The following HMGCLL1 variants were observed in gnomAD, a reference collection of about 807,000 sequenced individuals.
The protein encoded by HMGCLL1 is 3-hydroxy-3-methylglutaryl-CoA lyase like 1.
HMGCLL1 carries 36 observed loss-of-function variants against 39.1 expected under a neutral mutation model. The observed-to-expected ratio is 0.92, with a 90% confidence interval of 0.71 to 1.22. The LOEUF is 1.22. HMGCLL1 is among the 50% of genes most tolerant of loss of function. The pLI is 0.00. For synonymous variants in HMGCLL1, 149 were observed against 144.0 expected (o/e 1.03, Z -0.25); for missense variants, 451 against 416.5 (o/e 1.08, Z -0.72).
At chr6:55,474,440 T>C (rs1281230242) in intron 7 of HMGCLL1, among the ~76,000 whole-genome samples, 3 of 151,618 alleles carry the variant, frequency 2.0e-5, no homozygotes, top group Admixed American at 1.3e-4. Flanking sequence ...TCTTCATTTC[T>C]ATTAGTTTTT....
intron 7 of HMGCLL1, among the ~76,000 whole-genome samples, chr6:55,470,320 A>G (rs1242349374): frequency 1.3e-5 from 2 of 151,752 alleles, no homozygotes; most frequent in African/African-American, 4.8e-5. Context: ...TACCAGCCAC[A>G]TTTTTTGTTG....
chr6:55,577,311 A>C (rs527640030), intron 1 of HMGCLL1: 8 of 1,202,532 alleles, frequency 6.7e-6, no homozygotes, highest in African/African-American at 6.1e-5. Context: ...ACACAAAAAG[A>C]AGCATAACTC....
intron 3 of HMGCLL1, among the ~76,000 whole-genome samples, chr6:55,521,798 CAAGTGA>C (rs1768054751): frequency 6.6e-6 from 1 of 151,870 alleles, no homozygotes; most frequent in Non-Finnish European, 1.5e-5. Context: ...CTGTAATGTT[CAAGTGA>C]AAGGAAGACT....
the HMGCLL1 span, among the ~76,000 whole-genome samples, chr6:55,661,008 T>A: frequency 2.6e-5 from 4 of 152,018 alleles, no homozygotes; most frequent in South Asian, 2.1e-4. Flanking sequence ...ACCACATGTA[T>A]GTCTTCTTTT....
the HMGCLL1 span, among the ~76,000 whole-genome samples, chr6:55,587,010 C>G: frequency 2.6e-5 from 4 of 152,076 alleles, no homozygotes; most frequent in African/African-American, 9.7e-5. Context: ...ACAGTCCCAC[C>G]AACAGTGTAA....
At chr6:55,613,079 A>G in the HMGCLL1 span, among the ~76,000 whole-genome samples, 1 of 152,208 alleles carries the variant, frequency 6.6e-6, no homozygotes, top group South Asian at 2.1e-4. Flanking sequence ...TCCAGAATTT[A>G]CAAGAAACAT....
intron 3 of HMGCLL1, among the ~76,000 whole-genome samples, chr6:55,525,730 A>G (rs1413933513): frequency 1.3e-5 from 2 of 151,940 alleles, no homozygotes; most frequent in South Asian, 4.1e-4. Flanking sequence ...CCAATGAACC[A>G]AAAATCTCTG....
At chr6:55,559,940 A>G (rs2127469922) in intron 1 of HMGCLL1, among the ~76,000 whole-genome samples, 1 of 152,266 alleles carries the variant, frequency 6.6e-6, no homozygotes, top group Non-Finnish European at 1.5e-5. Flanking sequence ...ATAAACATGA[A>G]CCTTTAAGGA....
the HMGCLL1 span, among the ~76,000 whole-genome samples, chr6:55,638,894 A>G: frequency 6.6e-6 from 1 of 152,202 alleles, no homozygotes; most frequent in Non-Finnish European, 1.5e-5. Flanking sequence ...CACTAAATTT[A>G]TACCATATGG....
the HMGCLL1 span, among the ~76,000 whole-genome samples, chr6:55,599,152 C>A: frequency 5.3e-5 from 8 of 151,982 alleles, no homozygotes; most frequent in Non-Finnish European, 1.0e-4. Context: ...TTAGGAGAAA[C>A]ACCTAGTGTA....
At chr6:55,554,708 C>T (rs763897440) in intron 1 of HMGCLL1, among the ~76,000 whole-genome samples, 1 of 151,928 alleles carries the variant, frequency 6.6e-6, no homozygotes, top group Non-Finnish European at 1.5e-5. Flanking sequence ...TACACAGGAC[C>T]CCTTTAGGCA....
At chr6:55,548,814 T>G (rs1770144128) in intron 1 of HMGCLL1, among the ~76,000 whole-genome samples, 1 of 149,916 alleles carries the variant, frequency 6.7e-6, no homozygotes, top group Non-Finnish European at 1.5e-5. Flanking sequence ...TGAAGAATAT[T>G]AAGTTTATAA....
chr6:55,457,245 T>C (rs1764364187), intron 7 of HMGCLL1, among the ~76,000 whole-genome samples: 2 of 152,218 alleles, frequency 1.3e-5, no homozygotes, highest in Non-Finnish European at 2.9e-5. Flanking sequence ...ATTCACTGTC[T>C]ATCCTCTTCT....
chr6:55,661,493 G>A, the HMGCLL1 span, among the ~76,000 whole-genome samples: 1 of 151,888 alleles, frequency 6.6e-6, no homozygotes, highest in Non-Finnish European at 1.5e-5. Flanking sequence ...GCTTGTTTCT[G>A]TCAGCTTTGT....
chr6:55,504,156 A>G (rs1433884128), intron 5 of HMGCLL1, among the ~76,000 whole-genome samples: 1 of 151,762 alleles, frequency 6.6e-6, no homozygotes, highest in Non-Finnish European at 1.5e-5. Flanking sequence ...CTTTATTTCA[A>G]TAAAAGTAAG....
intron 3 of HMGCLL1, among the ~76,000 whole-genome samples, chr6:55,538,933 G>A (rs1184334886): frequency 6.6e-6 from 1 of 152,090 alleles, no homozygotes; most frequent in Admixed American, 6.6e-5. Flanking sequence ...TGTGAAAGGT[G>A]ACATATTACT....
At chr6:55,563,943 G>A (rs1771089796) in intron 1 of HMGCLL1, 5 of 1,177,344 alleles carry the variant, frequency 4.2e-6, no homozygotes, top group Non-Finnish European at 5.6e-6. Context: ...AGGAGCTGTT[G>A]AAACAGGGCA....
At chr6:55,491,453 GA>G (rs1023781687) in intron 7 of HMGCLL1, among the ~76,000 whole-genome samples, 3 of 152,102 alleles carry the variant, frequency 2.0e-5, no homozygotes, top group African/African-American at 7.2e-5. Flanking sequence ...AACATTATGA[GA>G]AAAGGCACAT....
At chr6:55,440,710 T>C (rs544497055) in intron 7 of HMGCLL1, among the ~76,000 whole-genome samples, 3 of 152,030 alleles carry the variant, frequency 2.0e-5, no homozygotes, top group Non-Finnish European at 2.9e-5. Context: ...CAACCAACTA[T>C]ATCATGTTTC....
Sources: gnomAD v4.1 joint callset for allele counts (sites outside exome capture counted in the v4.1 genomes callset) on GRCh38, gnomAD v4.1.1 for gene constraint, MANE v1.5 for transcripts, NCBI Gene and HGNC (gene_info 2026-07-23, HGNC 2026-07-21) for gene names.